KCNT2: variants seen among roughly 807,000 people sequenced by gnomAD.
The protein encoded by KCNT2 is potassium channel subfamily T member 2.
A neutral mutation model predicts 153.8 loss-of-function variants in KCNT2; 67 were observed. That is an observed-to-expected ratio of 0.44 (90% confidence interval 0.36 to 0.53). KCNT2 has a LOEUF of 0.53. KCNT2 is among the 20% of genes least tolerant of loss of function. The pLI is 0.00. For missense variants in KCNT2, 975 were observed against 1,354.8 expected (o/e 0.72, Z 4.40); for synonymous variants, 500 against 458.8 (o/e 1.09, Z -1.15).
At chr1:196,557,548 C>T (rs889776695) in intron 1 of KCNT2, among the ~76,000 whole-genome samples, 3 of 150,432 alleles carry the variant, frequency 2.0e-5, no homozygotes, top group African/African-American at 7.3e-5. Context: ...AAGTTCATGA[C>T]TCAACAAGAT....
Position 196,534,973 on chromosome 1 carries a change from G to A in KCNT2, c.96-42632C>T, listed in dbSNP as rs1465224915. Among the ~76,000 whole-genome samples, 3 of 152,068 alleles carry A rather than the reference G, an allele frequency of 2.0e-5. No individual in the cohort carries two copies. The South Asian group carries it at 6.2e-4, about 31-fold the overall frequency. ...CTACCCTTCAAAATCACCCACTTCCGTTTTCTTTACTTACTTAGCTCCATG... is the reference window on the plus strand; with the variant it reads ...CTACCCTTCAAAATCACCCACTTCCATTTTCTTTACTTACTTAGCTCCATG... On this transcript the variant is annotated intron_variant, in intron 1 of 27. Coordinates refer to ENST00000294725, the MANE Select transcript of KCNT2 (RefSeq NM_198503.5).
At chr1:196,444,722 T>C (rs1022230700) in intron 8 of KCNT2, among the ~76,000 whole-genome samples, 1 of 151,354 alleles carries the variant, frequency 6.6e-6, no homozygotes, top group African/African-American at 2.4e-5. Flanking sequence ...ATATTTGCAT[T>C]ACCCTGAAGA....
chr1:196,482,316 A>G lies in KCNT2; in HGVS notation c.324+15T>C, dbSNP rs1220687436. ...AAACCCAGAGATATAGGGATAAAAC[A>G]AAATTGTACATAACCTGTAAGCCCC... is the stretch of plus-strand genomic sequence containing the variant. On this transcript the variant is annotated intron_variant, in intron 4 of 27. Transcript: ENST00000294725. 6.4e-7 allele frequency: 1 copy of G among 1,551,582 alleles called. No homozygotes were observed. Among genetic ancestry groups the G allele is most frequent in the East Asian group, 2.3e-5 (1 of 43,250 alleles).
At chr1:196,371,273 A>G (rs916478246) in intron 14 of KCNT2, among the ~76,000 whole-genome samples, 8 of 148,696 alleles carry the variant, frequency 5.4e-5, no homozygotes, top group African/African-American at 2.0e-4. Flanking sequence ...GTTCATGACT[A>G]TAGTCCCAGC....
At chr1:196,394,400 T>C (rs894452782) in intron 13 of KCNT2, among the ~76,000 whole-genome samples, 6 of 151,538 alleles carry the variant, frequency 4.0e-5, no homozygotes, top group Admixed American at 2.0e-4. Context: ...GTACAACCGA[T>C]AGGACAAGAT....
chr1:196,529,092 G>A (rs781025128), intron 1 of KCNT2, among the ~76,000 whole-genome samples: 48 of 152,104 alleles, frequency 3.2e-4, no homozygotes, highest in Non-Finnish European at 5.9e-4. Context: ...GCAATGTAAC[G>A]GCTTAAAGTC....
At chr1:196,389,760 A>G (rs1383684342) in intron 13 of KCNT2, among the ~76,000 whole-genome samples, 1 of 151,592 alleles carries the variant, frequency 6.6e-6, no homozygotes, top group East Asian at 1.9e-4. Flanking sequence ...GTAAATTGAA[A>G]AGTTAGTGGT....
intron 26 of KCNT2, among the ~76,000 whole-genome samples, chr1:196,246,536 G>C (rs899842529): frequency 6.6e-6 from 1 of 151,996 alleles, no homozygotes; most frequent in South Asian, 2.1e-4. Context: ...AAGATAAACT[G>C]ATCAAAAATA....
intron 26 of KCNT2, 26 bp downstream of exon 26, chr1:196,258,168 T>A: frequency 6.2e-7 from 1 of 1,607,438 alleles, no homozygotes; most frequent in African/African-American, 1.3e-5. Context: ...CGAGTCCATA[T>A]ATACAGTAGT....
At position 196,479,288 on chromosome 1, in the gene KCNT2, T is replaced by C. The variant is rs763735391; in HGVS notation, c.325-50A>G. The C allele has an allele frequency of 1.1e-5, 12 of 1,084,518 alleles. No individual in the cohort carries two copies. The South Asian group carries it at 1.5e-4, about 13-fold the overall frequency. The allele number at this position is 1,084,518 out of a possible 1,614,324, so 67.2% of individuals were successfully genotyped here. On this transcript the variant is annotated intron_variant, in intron 4 of 27. Transcript: ENST00000294725. ...GAGAAAACGCAATACAATTAAATTA[T>C]ATATATTCTTGGCTATACTACTAAC...
intron 1 of KCNT2, among the ~76,000 whole-genome samples, chr1:196,564,695 T>C (rs942785407): frequency 6.6e-6 from 1 of 151,810 alleles, no homozygotes; most frequent in African/African-American, 2.4e-5. Context: ...AATAAATAGA[T>C]ACTTTAAAAG....
intron 27 of KCNT2, among the ~76,000 whole-genome samples, chr1:196,230,959 T>C (rs1653898654): frequency 6.6e-6 from 1 of 151,894 alleles, no homozygotes; most frequent in Non-Finnish European, 1.5e-5. Flanking sequence ...CAAAGGGTAT[T>C]ACATGCTACA....
At chr1:196,250,226 T>C (rs1444945430) in intron 26 of KCNT2, among the ~76,000 whole-genome samples, 2 of 152,114 alleles carry the variant, frequency 1.3e-5, no homozygotes, top group African/African-American at 2.4e-5. Context: ...TAAAGCAGCA[T>C]GGTACTGGCA....
chr1:196,472,068 C>T (rs1678149734), intron 5 of KCNT2, among the ~76,000 whole-genome samples: 1 of 152,052 alleles, frequency 6.6e-6, no homozygotes, highest in Non-Finnish European at 1.5e-5. Flanking sequence ...CACATCTGTC[C>T]CTCTGGCTGG....
intron 1 of KCNT2, among the ~76,000 whole-genome samples, chr1:196,563,750 AT>A (rs1659738943): frequency 6.6e-6 from 1 of 152,000 alleles, no homozygotes; most frequent in African/African-American, 2.4e-5. Flanking sequence ...CATCAACAAA[AT>A]GAAAGACAAA....
At chr1:196,367,802 CAT>C (rs1255788156) in intron 14 of KCNT2, among the ~76,000 whole-genome samples, 1 of 152,108 alleles carries the variant, frequency 6.6e-6, no homozygotes. Context: ...TGTCTGGAAA[CAT>C]GTGACAGGGC....
In KCNT2 at chr1:196,562,417, C is replaced by T. The variant is rs190493139; in HGVS notation, c.95+45798G>A. 3.9e-5 allele frequency among the ~76,000 whole-genome samples: 6 copies of T among 152,016 alleles called. No homozygotes were observed. In the East Asian group the frequency reaches 9.7e-4, roughly 25 times the overall value. The stretch of plus-strand genomic sequence containing the variant: ...CACCTCCTTACCATCATGGCCTGAA[C>T]TAGTTTTGCAGGCTAACTTTGAAAT... On this transcript the variant is annotated intron_variant, in intron 1 of 27. Coordinates refer to ENST00000294725, the MANE Select transcript of KCNT2 (RefSeq NM_198503.5).
intron 25 of KCNT2, among the ~76,000 whole-genome samples, chr1:196,270,579 G>A (rs932153243): frequency 2.0e-5 from 3 of 151,962 alleles, no homozygotes; most frequent in African/African-American, 7.2e-5. Flanking sequence ...TTCAACGTAC[G>A]CATACAGGCA....
chr1:196,439,086 A>G lies in KCNT2; in HGVS notation c.639-9329T>C, dbSNP rs1365280448. ...ATCTTTTTGCATAACTGTGGTCAATATTCACAATATTGAGCTTAAACTGGA... is the reference window on the plus strand; with the variant it reads ...ATCTTTTTGCATAACTGTGGTCAATGTTCACAATATTGAGCTTAAACTGGA... On this transcript the variant is annotated intron_variant, in intron 8 of 27. Transcript: ENST00000294725. 3.9e-5 allele frequency among the ~76,000 whole-genome samples: 6 copies of G among 151,908 alleles called. No homozygotes were observed. In the East Asian group the frequency reaches 1.2e-3, roughly 30 times the overall value.
Sources: gnomAD v4.1 joint callset for allele counts (sites outside exome capture counted in the v4.1 genomes callset) on GRCh38, gnomAD v4.1.1 for gene constraint, MANE v1.5 for transcripts, NCBI Gene and HGNC (gene_info 2026-07-23, HGNC 2026-07-21) for gene names.